PDE4D: variants seen among roughly 807,000 people sequenced by gnomAD.
PDE4D encodes the protein 3',5'-cyclic-AMP phosphodiesterase 4D.
In PDE4D, 24 loss-of-function variants were observed where a neutral mutation model predicts 87.4. The ratio of observed to expected loss-of-function variants is 0.27; its 90% CI spans 0.20 to 0.39. PDE4D has a LOEUF of 0.39. Ranked by LOEUF, PDE4D falls within the 10% of genes least tolerant of loss-of-function variation. The pLI is 1.00. For missense variants in PDE4D, 714 were observed against 1,041.0 expected (o/e 0.69, Z 4.32); for synonymous variants, 384 against 383.2 (o/e 1.00, Z -0.02).
At chr5:60,015,264 G>C (rs1249919770) in intron 2 of PDE4D, among the ~76,000 whole-genome samples, 48 of 152,224 alleles carry the variant, frequency 3.2e-4, no homozygotes, top group Non-Finnish European at 4.4e-5. Flanking sequence ...GGGACAAGAA[G>C]TGCTGTGGCC....
At chr5:59,028,722 A>G (rs1047892767) in intron 6 of PDE4D, among the ~76,000 whole-genome samples, 14 of 152,116 alleles carry the variant, frequency 9.2e-5, no homozygotes, top group Admixed American at 3.3e-4. Context: ...CGAATTTGCC[A>G]TTTTCTCCTC....
At chr5:59,342,167 A>C (rs1188888698) in intron 1 of PDE4D, among the ~76,000 whole-genome samples, 1 of 152,200 alleles carries the variant, frequency 6.6e-6, no homozygotes, top group Non-Finnish European at 1.5e-5. Flanking sequence ...TTAGGTCCTT[A>C]AAAGCAATTC....
intron 5 of PDE4D, among the ~76,000 whole-genome samples, chr5:59,126,095 T>TA (rs72194172): frequency 0.35 from 44,089 of 127,636 alleles, 8,224 homozygotes; most frequent in Middle Eastern, 0.41. Flanking sequence ...AGTACAATTG[T>TA]AAAAAAAAAA....
chr5:59,506,267 A>T (rs1180286053), intron 1 of PDE4D, among the ~76,000 whole-genome samples: 5 of 152,208 alleles, frequency 3.3e-5, no homozygotes, highest in Non-Finnish European at 5.9e-5. Flanking sequence ...CAGTGAAATT[A>T]TGAAGGTATA....
At chr5:60,160,488 C>T (rs1582913206) in intron 2 of PDE4D, among the ~76,000 whole-genome samples, 1 of 151,920 alleles carries the variant, frequency 6.6e-6, no homozygotes, top group Non-Finnish European at 1.5e-5. Context: ...CACACAAAAA[C>T]ACTAACAAAA....
At chr5:59,891,393 C>T (rs942139825) in intron 1 of PDE4D, among the ~76,000 whole-genome samples, 8 of 152,134 alleles carry the variant, frequency 5.3e-5, no homozygotes, top group South Asian at 2.1e-4. Context: ...CATCATCACA[C>T]GGTATTTTTC....
intron 2 of PDE4D, among the ~76,000 whole-genome samples, chr5:60,098,188 C>T (rs1291016735): frequency 3.3e-5 from 5 of 151,756 alleles, no homozygotes; most frequent in African/African-American, 1.2e-4. Context: ...TTAATAGATA[C>T]AGAAATATGG....
chr5:59,740,009 T>C (rs1466559077), intron 1 of PDE4D, among the ~76,000 whole-genome samples: 1 of 152,204 alleles, frequency 6.6e-6, no homozygotes, highest in African/African-American at 2.4e-5. Context: ...CACTGTACAA[T>C]TGCATTATAA....
At chr5:59,978,699 G>A (rs555588274) in intron 3 of PDE4D, among the ~76,000 whole-genome samples, 1 of 152,288 alleles carries the variant, frequency 6.6e-6, no homozygotes, top group East Asian at 1.9e-4. Flanking sequence ...GTAAAATGCT[G>A]TCAAACACCA....
chr5:59,326,732 GA>G (rs139304192), intron 1 of PDE4D, among the ~76,000 whole-genome samples: 21,195 of 151,866 alleles, frequency 0.14, 2,092 homozygotes, highest in African/African-American at 0.28. Flanking sequence ...ATGTTACAAT[GA>G]AAAAAAGCAT....
intron 1 of PDE4D, among the ~76,000 whole-genome samples, chr5:59,759,594 T>C (rs1263412279): frequency 3.9e-5 from 6 of 152,200 alleles, no homozygotes; most frequent in African/African-American, 7.2e-5. Context: ...TCAGGTCTTT[T>C]GATTTCGTGG....
intron 1 of PDE4D, among the ~76,000 whole-genome samples, chr5:60,236,195 T>C (rs1165618757): frequency 6.6e-6 from 1 of 151,928 alleles, no homozygotes; most frequent in Non-Finnish European, 1.5e-5. Flanking sequence ...TGAGTTCTTA[T>C]ACAGAATGAC....
intron 1 of PDE4D, among the ~76,000 whole-genome samples, chr5:60,397,480 T>C (rs897848162): frequency 2.0e-5 from 3 of 152,254 alleles, no homozygotes; most frequent in Non-Finnish European, 4.4e-5. Context: ...AATCATGTCA[T>C]GTGCAACAAC....
At chr5:59,961,331 A>G (rs1759448765) in intron 3 of PDE4D, among the ~76,000 whole-genome samples, 1 of 151,300 alleles carries the variant, frequency 6.6e-6, no homozygotes, top group African/African-American at 2.4e-5. Flanking sequence ...ACGAGAGGAC[A>G]CAGGCAGAGA....
chr5:59,114,549 C>T (rs966758701), intron 5 of PDE4D, among the ~76,000 whole-genome samples: 2 of 152,010 alleles, frequency 1.3e-5, no homozygotes, highest in African/African-American at 2.4e-5. Flanking sequence ...AATTTAGGGG[C>T]TTTCAGCAAA....
At chr5:59,803,581 G>A (rs769799361) in intron 1 of PDE4D, among the ~76,000 whole-genome samples, 2 of 152,150 alleles carry the variant, frequency 1.3e-5, no homozygotes, top group Non-Finnish European at 2.9e-5. Context: ...TTACAGGTGT[G>A]AGCCACCGCA....
At chr5:59,691,435 C>G (rs1387679782) in intron 1 of PDE4D, among the ~76,000 whole-genome samples, 3 of 151,966 alleles carry the variant, frequency 2.0e-5, no homozygotes, top group Non-Finnish European at 4.4e-5. Flanking sequence ...ATGGATGAAG[C>G]TGGAAACCAT....
At chr5:60,509,660 C>CG (rs568937407) in intron 1 of PDE4D, among the ~76,000 whole-genome samples, 31 of 152,312 alleles carry the variant, frequency 2.0e-4, no homozygotes, top group South Asian at 1.7e-3. Context: ...GGCTACACTT[C>CG]TGGCCTTGCA....
At chr5:59,698,587 C>G (rs1180636438) in intron 1 of PDE4D, among the ~76,000 whole-genome samples, 1 of 152,082 alleles carries the variant, frequency 6.6e-6, no homozygotes, top group Non-Finnish European at 1.5e-5. Context: ...AATGACAGCC[C>G]ACACATAGTG....
Sources: allele counts gnomAD v4.1 joint callset (sites outside exome capture counted in the v4.1 genomes callset), GRCh38; gene constraint gnomAD v4.1.1; transcripts MANE v1.5; gene names NCBI Gene and HGNC (gene_info 2026-07-23, HGNC 2026-07-21).